FAM13C: variants seen among roughly 807,000 people sequenced by gnomAD.
FAM13C encodes the protein family with sequence similarity 13 member C, also known as protein FAM13C.
FAM13C carries 37 observed loss-of-function variants against 73.2 expected under a neutral mutation model. That is an observed-to-expected ratio of 0.51 (90% CI 0.39 to 0.67). The LOEUF (loss-of-function observed/expected upper bound fraction) is 0.67, where lower values mean the gene tolerates loss of function less well. Ranked by LOEUF, FAM13C falls within the 30% of genes least tolerant of loss-of-function variation. The pLI is 0.00. For missense variants in FAM13C, 589 were observed against 715.6 expected (o/e 0.82, Z 2.02); for synonymous variants, 246 against 260.9 (o/e 0.94, Z 0.55).
rs770327303 is a variant in FAM13C, at chr10:59,262,487, A to G, written c.1183T>C (p.Leu395=). 2 of 1,613,642 alleles carry G rather than the reference A, an allele frequency of 1.2e-6. No homozygotes were observed. The highest frequency in any genetic ancestry group is 4.5e-5 in the East Asian group (2 of 44,874). ...SSGEETPDAA[L]TCLKERREQL... is the part of the protein sequence containing the mutation. ...TCTCTTCTCTCCTTCAGGCATGTCAAGGCAGCATCTGGAGTCTCTTCTCCA... is the reference window on the plus strand; with the variant it reads ...TCTCTTCTCTCCTTCAGGCATGTCAGGGCAGCATCTGGAGTCTCTTCTCCA... The change falls in exon 10 of 14, where the codon TTG becomes CTG. Residue 395 remains leucine (L), a synonymous_variant. Coordinates refer to ENST00000618804, the MANE Select transcript of FAM13C (RefSeq NM_198215.4).
chr10:59,338,397 G>A (rs1853036141), intron 3 of FAM13C, among the ~76,000 whole-genome samples: 1 of 152,160 alleles, frequency 6.6e-6, no homozygotes, highest in African/African-American at 2.4e-5. Flanking sequence ...TCCAATGTCG[G>A]TTGTTAAAGG....
At chr10:59,320,070 G>A (rs1340923724) in intron 4 of FAM13C, among the ~76,000 whole-genome samples, 1 of 152,172 alleles carries the variant, frequency 6.6e-6, no homozygotes, top group Admixed American at 6.6e-5. Flanking sequence ...AATGCCTATA[G>A]AAGCTTGGCA....
At chr10:59,255,021 C>G (rs1841817191) in intron 10 of FAM13C, among the ~76,000 whole-genome samples, 1 of 152,080 alleles carries the variant, frequency 6.6e-6, no homozygotes, top group African/African-American at 2.4e-5. Context: ...TGTTAAGGAA[C>G]CTCTTCCTTA....
intron 4 of FAM13C, among the ~76,000 whole-genome samples, chr10:59,306,832 C>G (rs562597456): frequency 6.6e-6 from 1 of 152,152 alleles, no homozygotes; most frequent in African/African-American, 2.4e-5. Context: ...TGAGATCGTG[C>G]CACTGCACTC....
chr10:59,265,035 A>G (rs140144317), intron 8 of FAM13C, among the ~76,000 whole-genome samples: 53 of 152,058 alleles, frequency 3.5e-4, no homozygotes, highest in Non-Finnish European at 5.4e-4. Flanking sequence ...CACTAAATCC[A>G]TGTAACAATG....
Position 59,269,950 on chromosome 10 carries a change from T to C in FAM13C, c.752A>G (p.Asn251Ser). Residue 251 changes from asparagine (N) to serine (S), a missense_variant, in exon 7 of 14, where the codon AAC becomes AGC. Coordinates refer to ENST00000618804, the MANE Select transcript of FAM13C (RefSeq NM_198215.4). ...AGATGGGGCTGACTCGGGGTCTAAG[T>C]TGAATCTCTGGCTTTGGCTGAAGAT... ...CSIFSQSQRF[N>S]LDPESAPSPP... The C allele has an allele frequency of 6.2e-7, 1 of 1,613,998 alleles. No homozygotes were observed.
chr10:59,333,911 C>T (rs1852358374), intron 3 of FAM13C, among the ~76,000 whole-genome samples: 1 of 152,196 alleles, frequency 6.6e-6, no homozygotes, highest in Non-Finnish European at 1.5e-5. Context: ...CTGAACTAGT[C>T]ATTGAGGATT....
chr10:59,331,822 AAAG>A (rs1852031066), intron 3 of FAM13C, among the ~76,000 whole-genome samples: 3 of 152,220 alleles, frequency 2.0e-5, no homozygotes, highest in Non-Finnish European at 4.4e-5. Flanking sequence ...GTTGAATGAA[AAAG>A]AAGGACAGAT....
At chr10:59,282,648 G>A (rs1845067197) in intron 6 of FAM13C, 1 of 152,030 alleles carries the variant, frequency 6.6e-6, no homozygotes, top group African/African-American at 2.4e-5. Context: ...TGACCTCTTT[G>A]TTATGTTAGA....
At position 59,326,618 on chromosome 10, in the gene FAM13C, CA is replaced by C. The variant is rs1439953883; in HGVS notation, c.325-2513del. ...ATCCTTATGATCTTGGAAAATATTT[CA>C]CTCATAAGAAAAGGAATAAAGATTT... On this transcript the variant is annotated intron_variant, in intron 3 of 13. Transcript: ENST00000618804. Among the ~76,000 whole-genome samples, 6 of 152,286 alleles carry C rather than the reference CA, an allele frequency of 3.9e-5. No homozygotes were observed. In the South Asian group the frequency reaches 1.2e-3, roughly 32 times the overall value.
rs537011095 is a variant in FAM13C at position 59,272,494 on chromosome 10, C to T, written c.593-2385G>A. The stretch of plus-strand genomic sequence containing the variant: ...GTCCTGGGAAGAGTCCAGGCCACTG[C>T]TTCCAGACCCTGCTTCCCAGTAGGG... On this transcript the variant is annotated intron_variant, in intron 6 of 13. Transcript: ENST00000618804. 5.4e-4 allele frequency among the ~76,000 whole-genome samples: 82 copies of T among 152,322 alleles called. 1 individual carries two copies. In the South Asian group the frequency reaches 0.017, roughly 31 times the overall value.
intron 3 of FAM13C, among the ~76,000 whole-genome samples, chr10:59,329,833 T>C (rs1433534521): frequency 1.3e-5 from 2 of 152,218 alleles, no homozygotes; most frequent in Non-Finnish European, 1.5e-5. Flanking sequence ...AGGCACCTTC[T>C]ATGTACATTT....
chr10:59,349,704 AG>A (rs1854776520), intron 3 of FAM13C, among the ~76,000 whole-genome samples: 1 of 152,188 alleles, frequency 6.6e-6, no homozygotes. Flanking sequence ...CGGAGGTTGC[AG>A]TGAGCCATGA....
intron 8 of FAM13C, among the ~76,000 whole-genome samples, chr10:59,266,965 A>T (rs1247228372): frequency 2.0e-5 from 3 of 152,230 alleles, no homozygotes. Flanking sequence ...AATAAGCATT[A>T]TGTATGTACT....
chr10:59,326,660 C>T (rs957421962), intron 3 of FAM13C, among the ~76,000 whole-genome samples: 13 of 152,118 alleles, frequency 8.5e-5, no homozygotes, highest in Non-Finnish European at 1.8e-4. Flanking sequence ...TTAGTTCCTT[C>T]CACTCCATTA....
At chr10:59,272,669 G>A (rs1184058506) in intron 6 of FAM13C, among the ~76,000 whole-genome samples, 3 of 152,264 alleles carry the variant, frequency 2.0e-5, no homozygotes, top group Admixed American at 6.5e-5. Context: ...GGAGTTTGGT[G>A]TGCCTATACT....
At chr10:59,324,722 C>A (rs1464461685) in intron 3 of FAM13C, among the ~76,000 whole-genome samples, 1 of 152,036 alleles carries the variant, frequency 6.6e-6, no homozygotes, top group Non-Finnish European at 1.5e-5. Flanking sequence ...AATTCCAGAT[C>A]TCAAGAGTCC....
At chr10:59,262,398 CA>C in intron 10 of FAM13C, 35 bp downstream of exon 10, 1 of 1,581,684 alleles carries the variant, frequency 6.3e-7, no homozygotes, top group Non-Finnish European at 8.7e-7. Flanking sequence ...GTGTGGACTA[CA>C]GGGGCCCTCT....
chr10:59,257,347 T>A (rs2133413974), intron 10 of FAM13C, among the ~76,000 whole-genome samples: 1 of 152,354 alleles, frequency 6.6e-6, no homozygotes, highest in South Asian at 2.1e-4. Context: ...AATTAGTTTC[T>A]TTCTGGGTCC....
Sources: gnomAD v4.1 joint callset for allele counts (sites outside exome capture counted in the v4.1 genomes callset) on GRCh38, gnomAD v4.1.1 for gene constraint, MANE v1.5 for transcripts, NCBI Gene and HGNC (gene_info 2026-07-23, HGNC 2026-07-21) for gene names.